The following SULT2A1 variants were observed in gnomAD, a reference collection of about 807,000 sequenced individuals.
The protein encoded by SULT2A1 is sulfotransferase family 2A member 1.
SULT2A1 carries 43 observed loss-of-function variants against 33.9 expected under a neutral mutation model. That is an observed-to-expected ratio of 1.27 (90% CI 1.00 to 1.64). The LOEUF (loss-of-function observed/expected upper bound fraction) is 1.64, where lower values mean the gene tolerates loss of function less well. SULT2A1 is among the 40% of genes most tolerant of loss of function. The pLI is 0.00. For synonymous variants in SULT2A1, 125 were observed against 113.6 expected, an observed-to-expected ratio of 1.10 and a Z score of -0.64; for missense variants, 300 against 335.1, an observed-to-expected ratio of 0.90 and a Z score of 0.82.
At chr19:47,874,359 T>C (rs905703437) in intron 5 of SULT2A1, among the ~76,000 whole-genome samples, 11 of 151,890 alleles carry the variant, frequency 7.2e-5, no homozygotes, top group African/African-American at 2.7e-4. Flanking sequence ...GCTAAGATGG[T>C]GAAACCATGT....
intron 1 of SULT2A1, among the ~76,000 whole-genome samples, chr19:47,885,789 G>C (rs1386605492): frequency 6.6e-6 from 1 of 152,010 alleles, no homozygotes; most frequent in Non-Finnish European, 1.5e-5. Context: ...CTCATTCTTT[G>C]CATTTCCATT....
intron 5 of SULT2A1, among the ~76,000 whole-genome samples, chr19:47,874,087 C>T (rs115784201): frequency 2.1e-3 from 323 of 152,198 alleles, no homozygotes; most frequent in African/African-American, 7.6e-3. Flanking sequence ...ATGCTCATGT[C>T]ACATTCTGAG....
At chr19:47,882,304 T>C in intron 2 of SULT2A1, 94 bp from the exon 3 acceptor site, 1 of 1,408,990 alleles carries the variant, frequency 7.1e-7, no homozygotes, top group African/African-American at 1.4e-5. Context: ...AATTCCTGGA[T>C]AATGCCTAAT....
intron 1 of SULT2A1, among the ~76,000 whole-genome samples, chr19:47,885,401 T>C (rs296360): frequency 0.11 from 17,457 of 152,324 alleles, 1,354 homozygotes; most frequent in Non-Finnish European, 0.16. Flanking sequence ...TTTATCTCTG[T>C]TGTATCATGC....
chr19:47,874,987 C>A (rs942326344), intron 4 of SULT2A1, among the ~76,000 whole-genome samples, 153 bp from the exon 5 acceptor site: 1 of 151,644 alleles, frequency 6.6e-6, no homozygotes, highest in Non-Finnish European at 1.5e-5. Flanking sequence ...CGTGGTGAAA[C>A]CCCATCTCTA....
Position 47,886,252 on chromosome 19 carries a change from C to G in SULT2A1, c.6G>C (p.Ser2=). 1 of 1,613,780 alleles carries G rather than the reference C, an allele frequency of 6.2e-7. No homozygotes were observed. Among genetic ancestry groups the G allele is most frequent in the Non-Finnish European group, 8.5e-7 (1 of 1,179,914 alleles). The part of the protein sequence containing the change: M[S]DDFLWFEGIA... The stretch of plus-strand genomic sequence containing the variant: ...TGCCTTCAAACCATAAGAAATCGTC[C>G]GACATGATGATGACCTCTTCCTGCG... Residue 2 remains serine, a synonymous_variant, in exon 1 of 6, where the codon TCG becomes TCC. Coordinates refer to ENST00000222002, the MANE Select transcript of SULT2A1 (RefSeq NM_003167.4).
At chr19:47,875,297 G>A (rs1968533404) in intron 4 of SULT2A1, among the ~76,000 whole-genome samples, 1 of 151,788 alleles carries the variant, frequency 6.6e-6, no homozygotes, top group African/African-American at 2.4e-5. Flanking sequence ...GCAATTAGGA[G>A]AAAGAAAGAA....
At chr19:47,885,695 A>G (rs1968649593) in intron 1 of SULT2A1, among the ~76,000 whole-genome samples, 1 of 152,084 alleles carries the variant, frequency 6.6e-6, no homozygotes. Flanking sequence ...GCCCCTTGAG[A>G]TTGCCTGGCT....
chr19:47,884,569 C>G (rs1398403037), intron 1 of SULT2A1, among the ~76,000 whole-genome samples: 5 of 149,944 alleles, frequency 3.3e-5, no homozygotes, highest in African/African-American at 1.2e-4. Flanking sequence ...GCCTTGAACT[C>G]GGGCTCAAGT....
Position 47,882,185 on chromosome 19 carries a change from C to T in SULT2A1, c.371G>A (p.Arg124Lys). 1.9e-6 allele frequency: 3 copies of T among 1,613,860 alleles called. No individual in the cohort carries two copies. The highest frequency in any genetic ancestry group is 2.5e-6 in the Non-Finnish European group (3 of 1,179,898). Residue 124 changes from arginine to lysine, a missense_variant, in exon 3 of 6, where the codon AGA (arginine) becomes AAA (lysine). Coordinates refer to ENST00000222002, the MANE Select transcript of SULT2A1 (RefSeq NM_003167.4). ...AKVIYLMRNP[R>K]DVLVSGYFFW... ...AAAATAACCAGACACCAAAACATCTCTGGGATTTCTCATGAGATAAATCAC... is the reference window on the plus strand; with the variant it reads ...AAAATAACCAGACACCAAAACATCTTTGGGATTTCTCATGAGATAAATCAC...
In SULT2A1 at chr19:47,886,222, A is replaced by G; in HGVS notation, c.36T>C (p.Ala12=). The G allele has an allele frequency of 6.2e-7, 1 of 1,614,142 alleles. No individual in the cohort carries two copies. Among genetic ancestry groups the G allele is most frequent in the Non-Finnish European group, 8.5e-7 (1 of 1,180,024 alleles). The change falls in exon 1 of 6, where the codon GCT becomes GCC. Residue 12 remains alanine, a synonymous_variant. Coordinates refer to ENST00000222002, the MANE Select transcript of SULT2A1 (RefSeq NM_003167.4). ...CGGATCTGAAACCCATAGTAGGGAA[A>G]GCTATGCCTTCAAACCATAAGAAAT... The part of the protein sequence containing the change: ...SDDFLWFEGI[A]FPTMGFRSET...
At chr19:47,880,192 G>A (rs1459744584) in intron 3 of SULT2A1, among the ~76,000 whole-genome samples, 17 of 129,250 alleles carry the variant, frequency 1.3e-4, no homozygotes, top group East Asian at 2.6e-4. Context: ...AGCTGAGATC[G>A]CGCCACTGCA....
At position 47,882,226 on chromosome 19, in the gene SULT2A1, G is replaced by T. The variant is rs1451568190; in HGVS notation, c.346-16C>A. 6.2e-7 allele frequency: 1 copy of T among 1,603,414 alleles called. No individual in the cohort carries two copies. On this transcript the variant is annotated splice_polypyrimidine_tract_variant and intron_variant, in intron 2 of 5. Transcript: ENST00000222002. ...GATAAATCACCTTAAATGGAAAAAC[G>T]GGAGAATGAAAAATCAATACAGTCA...
intron 5 of SULT2A1, 49 bp from the exon 6 acceptor site, chr19:47,871,616 C>T: frequency 7.2e-6 from 9 of 1,252,440 alleles, no homozygotes; most frequent in Non-Finnish European, 1.1e-5. Context: ...TCTCCTTGAC[C>T]TGTCTCCACC....
chr19:47,884,540 G>A (rs1201115862), intron 1 of SULT2A1, among the ~76,000 whole-genome samples: 4 of 145,866 alleles, frequency 2.7e-5, no homozygotes, highest in African/African-American at 7.6e-5. Flanking sequence ...GTGCAGTGGT[G>A]CAATTATAGC....
intron 4 of SULT2A1, 126 bp from the exon 5 acceptor site, chr19:47,874,960 G>C (rs1193794421): frequency 2.5e-6 from 2 of 789,410 alleles, no homozygotes; most frequent in South Asian, 3.7e-5. Flanking sequence ...TCAGGAGTTC[G>C]AGACTAGCCT....
chr19:47,872,440 G>T (rs62529871), intron 5 of SULT2A1, among the ~76,000 whole-genome samples: 14,824 of 152,030 alleles, frequency 0.098, 900 homozygotes, highest in South Asian at 0.17. Context: ...CTCACACGGG[G>T]ACTTCTGATT....
At chr19:47,874,877 C>A in intron 4 of SULT2A1, 43 bp from the exon 5 acceptor site, 1 of 1,579,596 alleles carries the variant, frequency 6.3e-7, no homozygotes, top group Non-Finnish European at 8.7e-7. Flanking sequence ...AAGAGAAAGA[C>A]AAGGCTGGGC....
intron 1 of SULT2A1, among the ~76,000 whole-genome samples, chr19:47,884,636 T>C (rs1036403626): frequency 6.6e-6 from 1 of 151,838 alleles, no homozygotes; most frequent in Non-Finnish European, 1.5e-5. Context: ...ACCTCAGGCA[T>C]GTGCCATCGC....
Sources: allele counts gnomAD v4.1 joint callset (sites outside exome capture counted in the v4.1 genomes callset), GRCh38; gene constraint gnomAD v4.1.1; transcripts MANE v1.5; gene names NCBI Gene and HGNC (gene_info 2026-07-23, HGNC 2026-07-21).